CELSR1: variants seen among roughly 807,000 people sequenced by gnomAD.
CELSR1 encodes the protein adhesion G protein-coupled receptor C1.
A neutral mutation model predicts 249.1 loss-of-function variants in CELSR1; 110 were observed. The observed-to-expected ratio is 0.44, with a 90% confidence interval of 0.38 to 0.52. The LOEUF (loss-of-function observed/expected upper bound fraction) is 0.52. Ranked by LOEUF, CELSR1 falls within the 20% of genes least tolerant of loss-of-function variation. CELSR1 has a pLI of 0.00. For missense variants in CELSR1, 4,109 were observed against 4,296.4 expected (o/e 0.96, Z 1.22); for synonymous variants, 2,113 against 1,900.0 (o/e 1.11, Z -2.92).
chr22:46,524,842 C>G (rs537970371), intron 1 of CELSR1, among the ~76,000 whole-genome samples: 2 of 152,134 alleles, frequency 1.3e-5, no homozygotes, highest in Non-Finnish European at 2.9e-5. Context: ...TGGGAGGAAA[C>G]GAAAACGGCT....
Position 46,399,776 on chromosome 22 carries a change from T to C in CELSR1, c.5353A>G (p.Lys1785Glu). Reference sequence around the variant, plus strand: ...AGGTGCTTCATCTCACTGTCCTCCTTAACATTCTTCAGCTCGATCAGCAGG... The same window carrying C: ...AGGTGCTTCATCTCACTGTCCTCCTCAACATTCTTCAGCTCGATCAGCAGG... ...HHLLIELKNV[K>E]EDSEMKHLVT... Residue 1785 changes from lysine to glutamate, a missense_variant, in exon 10 of 35, where the codon AAG becomes GAG. By Grantham distance (56) the Lys-to-Glu change is moderately conservative. Around this residue, in one of 7 missense-constraint regions of CELSR1, gnomAD observed 1,805 missense variants for 1,831.6 expected, o/e 0.99. Transcript: ENST00000674500. This position sits in a 1 kb window ranked among gnomAD's most constrained non-coding sequence, Gnocchi z 5.0. 6.2e-7 allele frequency: 1 copy of C among 1,614,030 alleles called. No homozygotes were observed. The highest frequency in any genetic ancestry group is 8.5e-7 in the Non-Finnish European group (1 of 1,179,976).
At chr22:46,483,445 G>A (rs540168375) in intron 1 of CELSR1, among the ~76,000 whole-genome samples, 2 of 141,548 alleles carry the variant, frequency 1.4e-5, no homozygotes, top group Non-Finnish European at 3.0e-5. Flanking sequence ...AGGCTGGAGT[G>A]CAGTGGCAGC....
chr22:46,449,980 G>GCT (rs2079865001), intron 2 of CELSR1, among the ~76,000 whole-genome samples: 3 of 152,170 alleles, frequency 2.0e-5, no homozygotes, highest in African/African-American at 7.2e-5. Flanking sequence ...ACACTCACAT[G>GCT]CATGCCCACA....
chr22:46,534,943 A>T lies in CELSR1; in HGVS notation c.2228T>A (p.Leu743His). The change falls in exon 1 of 35, where the codon CTC (leucine) becomes CAC (histidine). Residue 743 changes from leucine to histidine, a missense_variant. Physicochemically the swap from Leu to His is moderately conservative, Grantham distance 99 (BLOSUM62 -3). Transcript: ENST00000674500. The surrounding 1 kb of genome is among the most constrained non-coding windows in gnomAD (Gnocchi z 9.7). ...GTCCAGAGGTAGCGCCAGGGTGATGAGGCCGCCCCCTCTCTGGCTGCTGAG... is the reference window on the plus strand; with the variant it reads ...GTCCAGAGGTAGCGCCAGGGTGATGTGGCCGCCCCCTCTCTGGCTGCTGAG... ...FALSSQRGGG[L>H]ITLALPLDYK... 6.2e-7 allele frequency: 1 copy of T among 1,612,410 alleles called. No individual in the cohort carries two copies. The highest frequency in any genetic ancestry group is 8.5e-7 in the Non-Finnish European group (1 of 1,179,918).
intron 5 of CELSR1, among the ~76,000 whole-genome samples, chr22:46,420,591 G>A (rs1372820701): frequency 6.6e-6 from 1 of 152,052 alleles, no homozygotes; most frequent in Non-Finnish European, 1.5e-5. Flanking sequence ...ACCCATACTC[G>A]TGCTCATGCT....
intron 2 of CELSR1, among the ~76,000 whole-genome samples, chr22:46,450,586 G>A (rs2079872182): frequency 6.6e-6 from 1 of 152,244 alleles, no homozygotes; most frequent in South Asian, 2.1e-4. Flanking sequence ...ATGGGTGGGA[G>A]CGGGAGTTAA....
chr22:46,513,354 T>G (rs939111851), intron 1 of CELSR1, among the ~76,000 whole-genome samples: 5 of 151,868 alleles, frequency 3.3e-5, no homozygotes, highest in African/African-American at 1.2e-4. Flanking sequence ...TCAAAAGCAT[T>G]CCCCACGTGG....
In CELSR1 at chr22:46,454,694, T is replaced by C. The variant is rs2079926446; in HGVS notation, c.4183+9013A>G. Among the ~76,000 whole-genome samples the C allele has an allele frequency of 6.6e-6, 1 of 152,210 alleles. No individual in the cohort carries two copies. Among genetic ancestry groups the C allele is most frequent in the Non-Finnish European group, 1.5e-5 (1 of 68,040 alleles). On this transcript the variant is annotated intron_variant, in intron 2 of 34. Coordinates refer to ENST00000674500, the MANE Select transcript of CELSR1 (RefSeq NM_001378328.1). The surrounding 1 kb of genome is among the most constrained non-coding windows in gnomAD (Gnocchi z 5.1). ...GGGTGGGACGCGGGAAACCCTCTGC[T>C]CCTGCGCTTAGCGTTCGCAAAGGTA...
chr22:46,363,901 T>G lies in CELSR1; in HGVS notation c.9035+95A>C. 7.1e-7 allele frequency: 1 copy of G among 1,411,886 alleles called. No individual in the cohort carries two copies. Among genetic ancestry groups the G allele is most frequent in the South Asian group, 1.5e-5 (1 of 66,796 alleles). 87.5% of individuals were successfully genotyped at this position (1,411,886 alleles called of 1,614,324 possible). A position where few individuals can be genotyped will look rare whatever the true frequency, so the allele number is the denominator to read the frequency against. Reference sequence around the variant, plus strand: ...TCTGCACTCAGGGCTCCAGGTGAGGTGGGTGTCAGGTCCCTGACCACTGCC... The same window carrying G: ...TCTGCACTCAGGGCTCCAGGTGAGGGGGGTGTCAGGTCCCTGACCACTGCC... On this transcript the variant is annotated intron_variant, in intron 34 of 34. Coordinates refer to ENST00000674500, the MANE Select transcript of CELSR1 (RefSeq NM_001378328.1). This position sits in a 1 kb window ranked among gnomAD's most constrained non-coding sequence, Gnocchi z 4.3.
intron 2 of CELSR1, among the ~76,000 whole-genome samples, chr22:46,456,487 G>A (rs772760989): frequency 8.6e-5 from 13 of 151,796 alleles, no homozygotes; most frequent in Non-Finnish European, 1.5e-4. Flanking sequence ...GTGACACCCC[G>A]TCTCTACTAA....
rs995292916 is a variant in CELSR1, at chr22:46,429,031, G to T, written c.4611+4362C>A. Among the ~76,000 whole-genome samples, 3 of 152,104 alleles carry T rather than the reference G, an allele frequency of 2.0e-5. No homozygotes were observed. Among genetic ancestry groups the T allele is most frequent in the African/African-American group, 7.2e-5 (3 of 41,426 alleles). ...GTCCCCGACCCTGCCAGGAGCTCCT[G>T]GAACAAGGTGGGGTCTAAACGTGAT... On this transcript the variant is annotated intron_variant, in intron 5 of 34. Transcript: ENST00000674500. The surrounding 1 kb of genome is among the most constrained non-coding windows in gnomAD (Gnocchi z 4.1).
chr22:46,391,798 G>C lies in CELSR1; in HGVS notation c.5983C>G (p.Leu1995Val). 1 of 1,610,650 alleles carries C rather than the reference G, an allele frequency of 6.2e-7. No individual in the cohort carries two copies. ...CAGGGCAGACAGGTGTCCTGGGCTA[G>C]GAGCTTGTAGTAATTCTCCTGCAAA... Reference protein sequence around the residue: ...CQCKENYYKLLAQDTCLPCDC... With the variant: ...CQCKENYYKLVAQDTCLPCDC... The change falls in exon 15 of 35, where the codon CTA becomes GTA. Residue 1995 changes from leucine to valine, a missense_variant. Around this residue, in one of 7 missense-constraint regions of CELSR1, gnomAD observed 1,805 missense variants for 1,831.6 expected, o/e 0.99. Coordinates refer to ENST00000674500, the MANE Select transcript of CELSR1 (RefSeq NM_001378328.1). This position sits in a 1 kb window ranked among gnomAD's most constrained non-coding sequence, Gnocchi z 4.3.
In CELSR1 at chr22:46,536,166, G is replaced by A. The variant is rs756834708; in HGVS notation, c.1005C>T (p.Ala335=). ...TGACCAAGACAGTGATGTAGGTGGT[G>A]GCCGAGCGCGGCGGCGTACTGTAGT... ...AVDYSTPPRS[A]TTYITVLVKD... is the part of the protein sequence containing the mutation. Residue 335 remains alanine (A), a synonymous_variant, in exon 1 of 35, where the codon GCC becomes GCT. Coordinates refer to ENST00000674500, the MANE Select transcript of CELSR1 (RefSeq NM_001378328.1). 9.9e-6 allele frequency: 16 copies of A among 1,612,758 alleles called. No homozygotes were observed. In the South Asian group the frequency reaches 1.5e-4, roughly 15 times the overall value.
intron 25 of CELSR1, chr22:46,370,120 G>A (rs1306822213): frequency 1.6e-5 from 8 of 490,240 alleles, no homozygotes; most frequent in Admixed American, 1.4e-4. Context: ...AGGAGGGATC[G>A]TGAAGGCAGA....
chr22:46,414,847 T>C (rs2079381071), intron 5 of CELSR1, among the ~76,000 whole-genome samples: 1 of 152,188 alleles, frequency 6.6e-6, no homozygotes, highest in Admixed American at 6.5e-5. Flanking sequence ...ACGGCGTTGC[T>C]ATTTACAACT....
At chr22:46,501,050 T>C (rs552428173) in intron 1 of CELSR1, among the ~76,000 whole-genome samples, 3 of 152,134 alleles carry the variant, frequency 2.0e-5, no homozygotes, top group South Asian at 4.1e-4. Flanking sequence ...TCATTTTTTA[T>C]TGAGACAGAG....
rs2079342709 is a variant in CELSR1, at chr22:46,412,009, A to G, written c.4612-250T>C. On this transcript the variant is annotated intron_variant, in intron 5 of 34. Coordinates refer to ENST00000674500, the MANE Select transcript of CELSR1 (RefSeq NM_001378328.1). This position sits in a 1 kb window ranked among gnomAD's most constrained non-coding sequence, Gnocchi z 4.5. ...ACAAAGAGCTGGTGCTGATGGAATT[A>G]GCTAAGATGCGGACGTCCTGGAGTA... Among the ~76,000 whole-genome samples the G allele has an allele frequency of 6.6e-6, 1 of 152,216 alleles. No individual in the cohort carries two copies. Among genetic ancestry groups the G allele is most frequent in the South Asian group, 2.1e-4 (1 of 4,830 alleles).
intron 31 of CELSR1, 32 bp from the exon 32 acceptor site, chr22:46,365,412 G>A: frequency 6.2e-7 from 1 of 1,608,028 alleles, no homozygotes; most frequent in Non-Finnish European, 8.5e-7. Context: ...GGAGGCTCAG[G>A]CCCTGGGAGG....
chr22:46,449,854 C>A (rs938725378), intron 2 of CELSR1, among the ~76,000 whole-genome samples: 1 of 152,170 alleles, frequency 6.6e-6, no homozygotes. Context: ...GGCTCCTCGC[C>A]AAGCCCTTTC....
Sources: gnomAD v4.1 joint callset for allele counts (sites outside exome capture counted in the v4.1 genomes callset) on GRCh38, gnomAD v4.1.1 for gene constraint, gnomAD v4.1.1 regional missense constraint, Gnocchi (gnomAD v3.1) non-coding constraint, MANE v1.5 for transcripts, NCBI Gene and HGNC (gene_info 2026-07-23, HGNC 2026-07-21) for gene names.